The following TMEM229B variants were observed in gnomAD, a reference collection of about 807,000 sequenced individuals.
TMEM229B encodes chromosome 14 open reading frame 83.
Under a neutral mutation model 13.7 loss-of-function variants are expected in TMEM229B, and 6 were observed. The ratio of observed to expected loss-of-function variants is 0.44; its 90% CI spans 0.24 to 0.86. The LOEUF (loss-of-function observed/expected upper bound fraction) is 0.86, where lower values mean the gene tolerates loss of function less well. Ranked by LOEUF, TMEM229B falls within the 40% of genes least tolerant of loss-of-function variation. TMEM229B has a pLI of 0.23. For missense variants in TMEM229B, 170 were observed against 236.0 expected (o/e 0.72, Z 1.83); for synonymous variants, 107 against 102.1 (o/e 1.05, Z -0.29).
intron 1 of TMEM229B, among the ~76,000 whole-genome samples, chr14:67,514,695 GCCT>G (rs1443379140): frequency 6.6e-6 from 1 of 151,984 alleles, no homozygotes; most frequent in Non-Finnish European, 1.5e-5. Flanking sequence ...TGCTGAGGTG[GCCT>G]CCTGGGTGCT....
chr14:67,516,392 C>A (rs959835468), upstream of TMEM229B, among the ~76,000 whole-genome samples: 1 of 123,920 alleles, frequency 8.1e-6, no homozygotes, highest in Non-Finnish European at 1.9e-5. Context: ...TTCAACCTAG[C>A]TGGAGAGGGG....
At chr14:67,500,311 TA>T (rs1382035023) in intron 1 of TMEM229B, among the ~76,000 whole-genome samples, 5 of 151,904 alleles carry the variant, frequency 3.3e-5, no homozygotes, top group African/African-American at 4.8e-5. Context: ...TTGTCTCTAC[TA>T]AAAATACAAA....
intron 2 of TMEM229B, among the ~76,000 whole-genome samples, chr14:67,482,774 A>G (rs1292737789): frequency 6.6e-6 from 1 of 152,164 alleles, no homozygotes; most frequent in African/African-American, 2.4e-5. Context: ...TCCTGTAGCC[A>G]CTGGCTGGTG....
At chr14:67,480,982 G>A (rs937474040) in intron 2 of TMEM229B, among the ~76,000 whole-genome samples, 2 of 152,178 alleles carry the variant, frequency 1.3e-5, no homozygotes, top group African/African-American at 4.8e-5. Context: ...GAGAAACCTA[G>A]GGTGAGAGAC....
intron 1 of TMEM229B, among the ~76,000 whole-genome samples, chr14:67,507,357 A>G (rs1261193765): frequency 1.9e-4 from 28 of 147,986 alleles, no homozygotes; most frequent in Admixed American, 1.8e-3. Flanking sequence ...TCTAAAATAA[A>G]CAAAAACAAA....
At chr14:67,477,595 C>A (rs2031299085) in intron 2 of TMEM229B, among the ~76,000 whole-genome samples, 1 of 152,134 alleles carries the variant, frequency 6.6e-6, no homozygotes, top group Non-Finnish European at 1.5e-5. Context: ...GACAGCTCCC[C>A]CTAATGTCCC....
chr14:67,526,755 A>C (rs1257422948), intron 1 of TMEM229B, among the ~76,000 whole-genome samples: 1 of 152,062 alleles, frequency 6.6e-6, no homozygotes, highest in Non-Finnish European at 1.5e-5. Context: ...CAAACAAGCC[A>C]TCCTGGCCAC....
At chr14:67,504,711 C>G (rs1279167168) in intron 1 of TMEM229B, among the ~76,000 whole-genome samples, 1 of 152,220 alleles carries the variant, frequency 6.6e-6, no homozygotes, top group Non-Finnish European at 1.5e-5. Flanking sequence ...TTGGTGAAAC[C>G]CTGTCTCTAC....
intron 1 of TMEM229B, among the ~76,000 whole-genome samples, chr14:67,498,004 C>G (rs911411504): frequency 8.5e-5 from 13 of 152,104 alleles, no homozygotes; most frequent in Admixed American, 8.5e-4. Context: ...CTCCCCACTA[C>G]CCGTCAACAC....
At chr14:67,522,190 GA>G (rs1163982754) in intron 1 of TMEM229B, among the ~76,000 whole-genome samples, 2 of 151,908 alleles carry the variant, frequency 1.3e-5, no homozygotes, top group African/African-American at 4.8e-5. Context: ...AACAAAAAAA[GA>G]AAAAAAGGAA....
At chr14:67,508,754 A>AAAAAAAAAAAAAAAAAAAT (rs2032922533) in intron 1 of TMEM229B, among the ~76,000 whole-genome samples, 1 of 102,842 alleles carries the variant, frequency 9.7e-6, no homozygotes, top group Non-Finnish European at 2.0e-5. Flanking sequence ...ACCTTGTCTC[A>AAAAAAAAAAAAAAAAAAAT]AAAAAAAAAA....
intron 2 of TMEM229B, among the ~76,000 whole-genome samples, chr14:67,474,914 C>CTTTTTTTTTTTTTTT: frequency 8.0e-6 from 1 of 124,958 alleles, no homozygotes; most frequent in Non-Finnish European, 1.6e-5. Context: ...GAATTTCCTT[C>CTTTTTTTTTTTTTTT]TTTTTTTTTT....
intron 1 of TMEM229B, among the ~76,000 whole-genome samples, chr14:67,521,625 G>C (rs1005134638): frequency 6.6e-6 from 1 of 152,188 alleles, no homozygotes; most frequent in African/African-American, 2.4e-5. Flanking sequence ...CCTTGAGCCT[G>C]AAAATGAAGA....
At chr14:67,488,157 C>G (rs1594692193) in intron 1 of TMEM229B, among the ~76,000 whole-genome samples, 1 of 152,198 alleles carries the variant, frequency 6.6e-6, no homozygotes, top group African/African-American at 2.4e-5. Context: ...CTGGCACTCC[C>G]CTGTGGATGA....
intron 1 of TMEM229B, among the ~76,000 whole-genome samples, chr14:67,508,758 A>AAAAAAAAAAAAAAAAAAAC: frequency 6.7e-6 from 1 of 149,344 alleles, no homozygotes; most frequent in Non-Finnish European, 1.5e-5. Flanking sequence ...TGTCTCAAAA[A>AAAAAAAAAAAAAAAAAAAC]AAAAAAAAAA....
chr14:67,531,064 C>T (rs908644383), intron 1 of TMEM229B, among the ~76,000 whole-genome samples: 5 of 152,194 alleles, frequency 3.3e-5, no homozygotes, highest in Non-Finnish European at 7.3e-5. Flanking sequence ...TTCTTCCCAT[C>T]TCTCTGTTCC....
rs369131613 is a variant in TMEM229B at position 67,473,544 on chromosome 14, C to G, written c.380G>C (p.Gly127Ala). The G allele has an allele frequency of 4.3e-5, 70 of 1,613,862 alleles. No individual in the cohort carries two copies. The highest frequency in any genetic ancestry group is 5.8e-5 in the Non-Finnish European group (68 of 1,179,914). The change falls in exon 3 of 3, where the codon GGG becomes GCG. Residue 127 changes from glycine (G) to alanine (A), a missense_variant. Physicochemically the swap from Gly to Ala is moderately conservative, Grantham distance 60. This residue lies in a region of TMEM229B where 70 missense variants were observed against 60.9 expected (regional missense o/e 1.15). Transcript: ENST00000554480. This position sits in a 1 kb window ranked among gnomAD's most constrained non-coding sequence, Gnocchi z 6.5. ...TLEYAVPWFC[G>A]ALIMEQFIIR... ...GATGAACTGCTCCATGATGAGGGCC[C>G]CGCAGAACCAGGGCACGGCGTACTC...
exon 1 of TMEM229B, chr14:67,533,644 G>C (rs2033565126): frequency 6.6e-6 from 1 of 152,130 alleles, no homozygotes; most frequent in South Asian, 2.1e-4. Flanking sequence ...ACCTGGACTT[G>C]GGGATCGGTC....
At chr14:67,531,999 C>T (rs1292216481) in intron 1 of TMEM229B, among the ~76,000 whole-genome samples, 2 of 151,110 alleles carry the variant, frequency 1.3e-5, no homozygotes, top group African/African-American at 4.9e-5. Context: ...CCTTATGCAA[C>T]TTCTGGAATG....
Sources: allele counts gnomAD v4.1 joint callset (sites outside exome capture counted in the v4.1 genomes callset), GRCh38; gene constraint gnomAD v4.1.1; regional missense constraint gnomAD v4.1.1; non-coding constraint Gnocchi (gnomAD v3.1); transcripts MANE v1.5; gene names NCBI Gene and HGNC (gene_info 2026-07-23, HGNC 2026-07-21).